The following PKD1L3 variants were observed in gnomAD, a reference collection of about 807,000 sequenced individuals.
PKD1L3 encodes polycystin 1 like 3, transient receptor potential channel interacting.
In PKD1L3, 239 loss-of-function variants were observed where a neutral mutation model predicts 184.1. The observed-to-expected ratio is 1.30, with a 90% CI of 1.17 to 1.45. The LOEUF (loss-of-function observed/expected upper bound fraction) is 1.45. Among genes scored for constraint, PKD1L3 ranks in the 40% most tolerant of loss-of-function variants. The pLI is 0.00. For missense variants in PKD1L3, 2,660 were observed against 2,067.2 expected (o/e 1.29, Z -5.56); for synonymous variants, 996 against 778.8 (o/e 1.28, Z -4.64).
At chr16:71,967,824 G>C (rs2039558602) in intron 14 of PKD1L3, 82 bp downstream of exon 14, 12 of 1,174,642 alleles carry the variant, frequency 1.0e-5, no homozygotes, top group Non-Finnish European at 1.5e-5. Context: ...AGTGCTATTG[G>C]TTGCCAGGAT....
At chr16:71,994,828 C>CGTCT (rs2040725861) in intron 2 of PKD1L3, among the ~76,000 whole-genome samples, 1 of 151,994 alleles carries the variant, frequency 6.6e-6, no homozygotes, top group Non-Finnish European at 1.5e-5. Context: ...GTGAAACCGC[C>CGTCT]GTCTCTACTA....
rs899118713 is a variant in PKD1L3 at position 71,942,681 on chromosome 16, T to C, written c.4203A>G (p.Gly1401=). The change falls in exon 24 of 30, where the codon GGA becomes GGG. Residue 1401 remains glycine (G), a synonymous_variant. Coordinates refer to ENST00000620267, the MANE Select transcript of PKD1L3 (RefSeq NM_181536.2). ...TCGRPKSLFP[G]LHLRRFSYIC... ...TGTAACTGAACCTCCTTAGATGAAG[T>C]CCAGGGAATAGGCTCTTGGGACGCC... The C allele has an allele frequency of 5.8e-6, 9 of 1,551,548 alleles. No homozygotes were observed. Among genetic ancestry groups the C allele is most frequent in the Non-Finnish European group, 7.8e-6 (9 of 1,147,004 alleles).
chr16:71,933,399 G>A, intron 28 of PKD1L3, 21 bp downstream of exon 28: 1 of 1,502,710 alleles, frequency 6.7e-7, no homozygotes, highest in Non-Finnish European at 9.1e-7. Flanking sequence ...ATTCTGTGAG[G>A]AAACAAATTA....
chr16:71,952,592 T>TGGGAGGCCAAGGTGAGAGGATGGC (rs1555516717), intron 18 of PKD1L3, among the ~76,000 whole-genome samples: 2 of 147,376 alleles, frequency 1.4e-5, no homozygotes, highest in East Asian at 4.3e-4. Context: ...CCCAGCACTT[T>TGGGAGGCCAAGGTGAGAGGATGGC]GGGAGGCCAA....
chr16:71,979,440 T>C (rs374208843), intron 9 of PKD1L3, among the ~76,000 whole-genome samples: 1 of 140,774 alleles, frequency 7.1e-6, no homozygotes, highest in Non-Finnish European at 1.6e-5. Context: ...TGAGACTCCA[T>C]CTCAACAAAA....
intron 4 of PKD1L3, among the ~76,000 whole-genome samples, chr16:71,988,370 T>G (rs572973001): frequency 7.2e-5 from 11 of 152,284 alleles, no homozygotes; most frequent in Admixed American, 3.3e-4. Context: ...AATTTTCATA[T>G]TTTTAGTAGA....
intron 11 of PKD1L3, 71 bp from the exon 12 acceptor site, chr16:71,973,588 G>T: frequency 7.7e-7 from 1 of 1,306,802 alleles, no homozygotes; most frequent in South Asian, 1.4e-5. Context: ...CTCTTCTAAA[G>T]GATCTATTAT....
At chr16:71,975,026 A>C (rs1432378356) in intron 11 of PKD1L3, among the ~76,000 whole-genome samples, 2 of 152,114 alleles carry the variant, frequency 1.3e-5, no homozygotes, top group Non-Finnish European at 2.9e-5. Flanking sequence ...GGTTTTGATC[A>C]AGTATATCTG....
At chr16:71,980,913 A>C (rs1407889835) in intron 7 of PKD1L3, among the ~76,000 whole-genome samples, 1 of 152,198 alleles carries the variant, frequency 6.6e-6, no homozygotes, top group Non-Finnish European at 1.5e-5. Flanking sequence ...TCTAGGCAAC[A>C]ACGAATCTAC....
intron 13 of PKD1L3, among the ~76,000 whole-genome samples, chr16:71,968,857 G>A (rs1452731643): frequency 1.3e-5 from 2 of 148,932 alleles, no homozygotes; most frequent in Admixed American, 6.7e-5. Context: ...CGGCCTCCCA[G>A]TGTGCTGGGA....
rs571087640 is a variant in PKD1L3, at chr16:71,999,949, C to T, written c.30G>A (p.Trp10Ter). 1 of 1,530,910 alleles carries T rather than the reference C, an allele frequency of 6.5e-7. No individual in the cohort carries two copies. The highest frequency in any genetic ancestry group is 1.4e-5 in the African/African-American group (1 of 72,676). 94.8% of individuals were successfully genotyped at this position (1,530,910 alleles called of 1,614,324 possible). The change falls in exon 1 of 30, where the codon TGG (tryptophan) becomes TGA (stop). Residue 10 changes from tryptophan (W) to a stop codon, truncating the protein, a stop_gained. Transcript: ENST00000620267. LOFTEE classifies it high-confidence loss of function. ...GAATAATACTTGTTCTGATGTATAA[C>T]CAAAGCCAGCTTCCTCCTTTGAAGA... is the stretch of plus-strand genomic sequence containing the variant. MFFKGGSWLWLYIRTSIILG... is the reference protein window; with the variant it reads MFFKGGSWL
chr16:71,949,326 G>A (rs2038738340), intron 21 of PKD1L3, among the ~76,000 whole-genome samples: 1 of 144,952 alleles, frequency 6.9e-6, no homozygotes, highest in South Asian at 2.2e-4. Context: ...CCTAACAAAT[G>A]TCAGTTAAAT....
intron 24 of PKD1L3, among the ~76,000 whole-genome samples, chr16:71,941,290 C>T (rs923955197): frequency 2.7e-5 from 4 of 150,650 alleles, no homozygotes; most frequent in Non-Finnish European, 4.4e-5. Context: ...ATATTGCATC[C>T]GTAAAAGAAC....
chr16:71,951,869 A>C, intron 18 of PKD1L3, 125 bp from the exon 19 acceptor site: 1 of 808,226 alleles, frequency 1.2e-6, no homozygotes, highest in South Asian at 2.2e-5. Context: ...AAGAACCTCA[A>C]TTTTTCATGT....
intron 16 of PKD1L3, among the ~76,000 whole-genome samples, chr16:71,961,538 C>A (rs924161350): frequency 2.0e-5 from 3 of 147,682 alleles, no homozygotes; most frequent in African/African-American, 5.0e-5. Flanking sequence ...AAATGCCACT[C>A]TCTTGAGGTT....
chr16:71,940,003 C>A (rs2038305042), intron 24 of PKD1L3, among the ~76,000 whole-genome samples: 1 of 152,112 alleles, frequency 6.6e-6, no homozygotes, highest in African/African-American at 2.4e-5. Context: ...TACAGGAAAC[C>A]CGGAAGCAAG....
In PKD1L3 at chr16:71,973,348, C is replaced by A. The variant is rs927970348; in HGVS notation, c.1929G>T (p.Gln643His). 6.4e-7 allele frequency: 1 copy of A among 1,551,574 alleles called. No individual in the cohort carries two copies. The highest frequency in any genetic ancestry group is 1.4e-5 in the African/African-American group (1 of 73,032). ...CTTGGCATCCGGCGCTGCTCCATGTCTGGTTGTGGATCTCCCAGTAGTAAC... is the reference window on the plus strand; with the variant it reads ...CTTGGCATCCGGCGCTGCTCCATGTATGGTTGTGGATCTCCCAGTAGTAAC... ...TQCYYWEIHN[Q>H]TWSSAGCQVG... The change falls in exon 12 of 30, where the codon CAG (glutamine) becomes CAT (histidine). Residue 643 changes from glutamine (Q) to histidine (H), a missense_variant. Transcript: ENST00000620267.
At chr16:71,998,470 T>G in intron 1 of PKD1L3, 76 bp from the exon 2 acceptor site, 1 of 1,492,616 alleles carries the variant, frequency 6.7e-7, no homozygotes, top group Non-Finnish European at 8.9e-7. Flanking sequence ...TTATTGTTTT[T>G]GAGACAGTCC....
rs1474795983 is a variant in PKD1L3, at chr16:71,977,344, G to A, written c.1651C>T (p.Pro551Ser). ...AGTGTCATTAAAAGGGGACTGTCAG[G>A]ATCTATGCTCACTATCAAGGATTTC... ...LEKSLIVSID[P>S]DSPLLMTLYL... The change falls in exon 11 of 30, where the codon CCT becomes TCT. Residue 551 changes from proline to serine, a missense_variant. Coordinates refer to ENST00000620267, the MANE Select transcript of PKD1L3 (RefSeq NM_181536.2). The A allele has an allele frequency of 6.5e-7, 1 of 1,547,948 alleles. No homozygotes were observed. The highest frequency in any genetic ancestry group is 8.7e-7 in the Non-Finnish European group (1 of 1,143,610).
Sources: allele counts gnomAD v4.1 joint callset (sites outside exome capture counted in the v4.1 genomes callset), GRCh38; gene constraint gnomAD v4.1.1; transcripts MANE v1.5; gene names NCBI Gene and HGNC (gene_info 2026-07-23, HGNC 2026-07-21).